SLFN12L: variants seen among roughly 807,000 people sequenced by gnomAD.
SLFN12L encodes schlafen family member 12 like.
Under a neutral mutation model 34.8 loss-of-function variants are expected in SLFN12L, and 34 were observed. The observed-to-expected ratio is 0.98, with a 90% confidence interval of 0.74 to 1.30. The LOEUF (loss-of-function observed/expected upper bound fraction) is 1.30. Among genes scored for constraint, SLFN12L ranks in the 50% most tolerant of loss-of-function variants. The probability of loss-of-function intolerance (pLI) is 0.00; values close to 1 mark genes in which losing one functional copy is unlikely to be tolerated. For missense variants in SLFN12L, 703 were observed against 696.2 expected (o/e 1.01, Z -0.11); for synonymous variants, 259 against 247.5 (o/e 1.05, Z -0.44).
At chr17:35,534,121 G>A (rs1286675473) in intron 1 of SLFN12L, among the ~76,000 whole-genome samples, 1 of 152,084 alleles carries the variant, frequency 6.6e-6, no homozygotes, top group African/African-American at 2.4e-5. Flanking sequence ...CCAGCACTTT[G>A]GGAGGCCCTG....
intron 2 of SLFN12L, among the ~76,000 whole-genome samples, chr17:35,515,455 G>A (rs995416696): frequency 1.3e-5 from 2 of 151,890 alleles, no homozygotes; most frequent in Admixed American, 1.3e-4. Flanking sequence ...TAGTTTATTT[G>A]TTTGTTTTGA....
chr17:35,533,394 T>G (rs1191025682), intron 1 of SLFN12L, among the ~76,000 whole-genome samples: 1 of 152,184 alleles, frequency 6.6e-6, no homozygotes. Flanking sequence ...AAGACAGTGG[T>G]GAACAAAACA....
At position 35,471,620 on chromosome 17, in the gene SLFN12L, C is replaced by T. The variant is rs1463779066; in HGVS notation, c.*3303G>A. On this transcript the variant is annotated 3_prime_UTR_variant, in exon 5 of 5. Transcript: ENST00000628453. ...AAAAGCATTCCTATTTCTCCACAGCCTCGCCGTGCAGTGGAGACTTTTTAA... is the reference window on the plus strand; with the variant it reads ...AAAAGCATTCCTATTTCTCCACAGCTTCGCCGTGCAGTGGAGACTTTTTAA... 6.6e-6 allele frequency among the ~76,000 whole-genome samples: 1 copy of T among 151,680 alleles called. No homozygotes were observed. Among genetic ancestry groups the T allele is most frequent in the African/African-American group, 2.4e-5 (1 of 41,308 alleles).
intron 2 of SLFN12L, chr17:35,498,675 A>C: frequency 6.3e-7 from 1 of 1,594,206 alleles, no homozygotes; most frequent in Non-Finnish European, 8.5e-7. Context: ...ATCTAACTTC[A>C]AGCTTCGAGC....
Position 35,466,962 on chromosome 17 carries a change from T to C in SLFN12L, c.*7961A>G, listed in dbSNP as rs1476514735. On this transcript the variant is annotated 3_prime_UTR_variant, in exon 5 of 5. Transcript: ENST00000628453. ...TGGCTACCTGTTATGCTTTCAGTCA[T>C]GGAAACAGCACCCTGCAAGCTCAGC... Among the ~76,000 whole-genome samples, 2 of 152,180 alleles carry C rather than the reference T, an allele frequency of 1.3e-5. No homozygotes were observed. Among genetic ancestry groups the C allele is most frequent in the Non-Finnish European group, 2.9e-5 (2 of 68,036 alleles).
intron 2 of SLFN12L, among the ~76,000 whole-genome samples, chr17:35,513,925 A>AG (rs1429922352): frequency 6.6e-6 from 1 of 152,240 alleles, no homozygotes; most frequent in African/African-American, 2.4e-5. Flanking sequence ...AAGTCAGGCA[A>AG]GCACGCGAAA....
intron 2 of SLFN12L, among the ~76,000 whole-genome samples, chr17:35,483,418 A>T (rs545525825): frequency 6.6e-6 from 1 of 152,192 alleles, no homozygotes; most frequent in Non-Finnish European, 1.5e-5. Context: ...CAACACCCTG[A>T]AGATCCTGTA....
chr17:35,537,051 T>C (rs1403242327), intron 1 of SLFN12L, among the ~76,000 whole-genome samples: 4 of 151,936 alleles, frequency 2.6e-5, no homozygotes, highest in African/African-American at 9.7e-5. Flanking sequence ...TCACGCTCAG[T>C]GCCTGTAGTC....
At chr17:35,530,202 T>C (rs12944752) in intron 1 of SLFN12L, among the ~76,000 whole-genome samples, 110,410 of 143,634 alleles carry the variant, frequency 0.77, 43,506 homozygotes, top group Non-Finnish European at 0.86. Flanking sequence ...AAAAAATTAG[T>C]CAGGCGTGGT....
At chr17:35,529,692 CTG>C (rs1310935342) in intron 1 of SLFN12L, among the ~76,000 whole-genome samples, 1 of 137,816 alleles carries the variant, frequency 7.3e-6, no homozygotes, top group African/African-American at 2.7e-5. Flanking sequence ...TGGGGCATAT[CTG>C]GGGGTGGGGG....
intron 1 of SLFN12L, among the ~76,000 whole-genome samples, chr17:35,527,804 G>GC (rs1289154446): frequency 1.3e-5 from 2 of 152,126 alleles, no homozygotes; most frequent in Admixed American, 1.3e-4. Flanking sequence ...AGACAAGGAT[G>GC]CCCCCTCTCA....
intron 1 of SLFN12L, among the ~76,000 whole-genome samples, chr17:35,531,847 A>G (rs1298839733): frequency 6.6e-6 from 1 of 151,762 alleles, no homozygotes; most frequent in African/African-American, 2.4e-5. Flanking sequence ...GTTGGCCAGG[A>G]TGGTCGTGAA....
Position 35,485,259 on chromosome 17 carries a change from T to C in SLFN12L, c.87-5064A>G, listed in dbSNP as rs536600098. ...AGATGGTATTTCATTGTGATTTCGCTTTGCAGCTCTCTGATGATTAGTGAT... is the reference window on the plus strand; with the variant it reads ...AGATGGTATTTCATTGTGATTTCGCCTTGCAGCTCTCTGATGATTAGTGAT... On this transcript the variant is annotated intron_variant, in intron 2 of 4. Coordinates refer to ENST00000628453, the MANE Select transcript of SLFN12L (RefSeq NM_001363830.2). Among the ~76,000 whole-genome samples the C allele has an allele frequency of 3.9e-4, 59 of 152,342 alleles. No individual in the cohort carries two copies. In the South Asian group the frequency reaches 0.011, roughly 29 times the overall value.
At chr17:35,526,741 C>A (rs2072339144) in intron 1 of SLFN12L, among the ~76,000 whole-genome samples, 1 of 151,834 alleles carries the variant, frequency 6.6e-6, no homozygotes, top group Non-Finnish European at 1.5e-5. Context: ...CACTAAATGC[C>A]CACAAGAAAA....
chr17:35,483,833 T>G (rs1330976989), intron 2 of SLFN12L, among the ~76,000 whole-genome samples: 2 of 152,200 alleles, frequency 1.3e-5, no homozygotes, highest in Non-Finnish European at 2.9e-5. Flanking sequence ...TCCTGTCCAC[T>G]GCTAGACCAC....
intron 2 of SLFN12L, among the ~76,000 whole-genome samples, chr17:35,520,845 T>C (rs1337900522): frequency 6.6e-6 from 1 of 151,448 alleles, no homozygotes; most frequent in East Asian, 1.9e-4. Context: ...CTCTCAGGAG[T>C]ATTCATATCT....
chr17:35,508,207 A>AC (rs752550901), intron 2 of SLFN12L, among the ~76,000 whole-genome samples: 7 of 152,010 alleles, frequency 4.6e-5, no homozygotes, highest in African/African-American at 7.3e-5. Flanking sequence ...TTTCATGTGG[A>AC]CCCCCTTAGA....
chr17:35,531,930 C>T (rs1193522847), intron 1 of SLFN12L, among the ~76,000 whole-genome samples: 2 of 151,778 alleles, frequency 1.3e-5, no homozygotes, highest in South Asian at 2.1e-4. Flanking sequence ...CCACCCAGCC[C>T]GGCCTGACAA....
At chr17:35,519,931 A>G (rs1422082601) in intron 2 of SLFN12L, among the ~76,000 whole-genome samples, 1 of 152,206 alleles carries the variant, frequency 6.6e-6, no homozygotes, top group Non-Finnish European at 1.5e-5. Context: ...GCACCTCATT[A>G]TAACCGCTCT....
Sources: allele counts gnomAD v4.1 joint callset (sites outside exome capture counted in the v4.1 genomes callset), GRCh38; gene constraint gnomAD v4.1.1; transcripts MANE v1.5; gene names NCBI Gene and HGNC (gene_info 2026-07-23, HGNC 2026-07-21).